TMEM232: variants seen among roughly 807,000 people sequenced by gnomAD.
The protein encoded by TMEM232 is transmembrane protein 232.
A neutral mutation model predicts 78.8 loss-of-function variants in TMEM232; 80 were observed. The observed-to-expected ratio is 1.01, with a 90% CI of 0.85 to 1.22. The LOEUF (loss-of-function observed/expected upper bound fraction) is 1.22, where lower values mean the gene tolerates loss of function less well. Among genes scored for constraint, TMEM232 ranks in the 50% most tolerant of loss-of-function variants. The pLI is 0.00. For synonymous variants in TMEM232, 297 were observed against 254.3 expected, an observed-to-expected ratio of 1.17 and a Z score of -1.60; for missense variants, 881 against 742.2, an observed-to-expected ratio of 1.19 and a Z score of -2.17.
intron 2 of TMEM232, among the ~76,000 whole-genome samples, chr5:110,399,621 C>T (rs1755519877): frequency 6.6e-6 from 1 of 152,036 alleles, no homozygotes; most frequent in African/African-American, 2.4e-5. Flanking sequence ...CACCCCTTAC[C>T]CTTGTCCTGG....
intron 11 of TMEM232, among the ~76,000 whole-genome samples, chr5:110,534,262 C>A (rs1771988383): frequency 6.6e-6 from 1 of 152,196 alleles, no homozygotes; most frequent in African/African-American, 2.4e-5. Flanking sequence ...TTAGTCAAAT[C>A]AGCCAAGCAT....
intron 4 of TMEM232, among the ~76,000 whole-genome samples, chr5:110,389,024 G>A (rs1194048854): frequency 1.3e-5 from 2 of 152,182 alleles, no homozygotes; most frequent in African/African-American, 4.8e-5. Context: ...ACTTTGGGAA[G>A]CCGAGGCAGG....
At chr5:110,662,755 C>T (rs1262510306) in intron 2 of TMEM232, among the ~76,000 whole-genome samples, 1 of 151,848 alleles carries the variant, frequency 6.6e-6, no homozygotes, top group Admixed American at 6.6e-5. Context: ...TTCCATATGT[C>T]GTATTGATGA....
At position 110,439,901 on chromosome 5, in the gene TMEM232, A is replaced by G. The variant is rs60191202; in HGVS notation, c.1704-14985T>C. ...CTGCAGTTTATCTAAAATTCTCTATATTAACCTATAAATTAGGATCAACGT... is the reference window on the plus strand; with the variant it reads ...CTGCAGTTTATCTAAAATTCTCTATGTTAACCTATAAATTAGGATCAACGT... On this transcript the variant is annotated intron_variant, in intron 12 of 13. Coordinates refer to ENST00000455884, the MANE Select transcript of TMEM232 (RefSeq NM_001039763.4). Among the ~76,000 whole-genome samples, 1,122 of 152,234 alleles carry G rather than the reference A, an allele frequency of 7.4e-3. 17 individuals carry two copies. The highest frequency in any genetic ancestry group is 0.025 in the African/African-American group (1,046 of 41,568).
intron 12 of TMEM232, among the ~76,000 whole-genome samples, chr5:110,440,836 T>C (rs921474970): frequency 8.5e-5 from 13 of 152,176 alleles, no homozygotes; most frequent in Non-Finnish European, 1.5e-4. Context: ...CATCCACTTA[T>C]TTATTGCTAA....
intron 1 of TMEM232, among the ~76,000 whole-genome samples, chr5:110,699,187 G>C (rs1243751573): frequency 6.6e-6 from 1 of 152,076 alleles, no homozygotes; most frequent in Non-Finnish European, 1.5e-5. Flanking sequence ...CTCGCATGAA[G>C]GTGAGCTTTC....
At chr5:110,469,109 G>C (rs1762395044) in intron 12 of TMEM232, among the ~76,000 whole-genome samples, 1 of 152,150 alleles carries the variant, frequency 6.6e-6, no homozygotes, top group South Asian at 2.1e-4. Context: ...TCATGAGAAT[G>C]AAGTCCAGCT....
intron 11 of TMEM232, among the ~76,000 whole-genome samples, chr5:110,549,548 G>T (rs1774200326): frequency 7.4e-6 from 1 of 135,994 alleles, no homozygotes; most frequent in Non-Finnish European, 1.5e-5. Context: ...ACAGGGTATA[G>T]TGAGTCATGA....
intron 11 of TMEM232, among the ~76,000 whole-genome samples, chr5:110,532,136 A>G (rs1469079454): frequency 6.6e-6 from 1 of 152,118 alleles, no homozygotes; most frequent in Non-Finnish European, 1.5e-5. Context: ...TCTGGCCACC[A>G]AGCCAAAGAA....
intron 11 of TMEM232, among the ~76,000 whole-genome samples, chr5:110,550,412 G>T (rs1431875210): frequency 1.3e-5 from 2 of 151,930 alleles, no homozygotes; most frequent in Non-Finnish European, 2.9e-5. Context: ...ACTAAAAGTG[G>T]CTAAACAGTA....
chr5:110,533,133 T>C (rs1771798348), intron 11 of TMEM232, among the ~76,000 whole-genome samples: 2 of 152,108 alleles, frequency 1.3e-5, no homozygotes, highest in Non-Finnish European at 2.9e-5. Flanking sequence ...CGTCCCAGCC[T>C]CTCTTTGCTT....
intron 1 of TMEM232, among the ~76,000 whole-genome samples, chr5:110,684,153 C>T (rs556522151): frequency 6.6e-6 from 1 of 151,664 alleles, no homozygotes; most frequent in Non-Finnish European, 1.5e-5. Context: ...AGCCAGAAAC[C>T]ATAAAAGGGT....
At chr5:110,731,359 A>G (rs1798664314), upstream of TMEM232, among the ~76,000 whole-genome samples, 2 of 152,294 alleles carry the variant, frequency 1.3e-5, no homozygotes, top group Admixed American at 1.3e-4. Flanking sequence ...CATAGCTCCA[A>G]TAGTCAGTAC....
intron 2 of TMEM232, among the ~76,000 whole-genome samples, chr5:110,407,422 TAA>T (rs1267801925): frequency 6.6e-6 from 1 of 152,136 alleles, no homozygotes; most frequent in Admixed American, 6.6e-5. Flanking sequence ...TCTATGATTA[TAA>T]AGAGACAAAT....
At chr5:110,703,126 T>C (rs1186021712) in intron 1 of TMEM232, among the ~76,000 whole-genome samples, 1 of 151,848 alleles carries the variant, frequency 6.6e-6, no homozygotes, top group African/African-American at 2.4e-5. Context: ...ATAACACAAA[T>C]AGCAGATGAA....
intron 5 of TMEM232, among the ~76,000 whole-genome samples, chr5:110,633,126 A>G (rs2149980924): frequency 6.6e-6 from 1 of 152,276 alleles, no homozygotes; most frequent in South Asian, 2.1e-4. Flanking sequence ...AAGATACTAT[A>G]TCCAGCAAAA....
chr5:110,596,624 T>A (rs1471638496), intron 10 of TMEM232, among the ~76,000 whole-genome samples: 2 of 152,136 alleles, frequency 1.3e-5, no homozygotes, highest in East Asian at 1.9e-4. Flanking sequence ...AGTAAAATAC[T>A]GGCAAACCGA....
chr5:110,467,918 GGC>G (rs1762257848), intron 12 of TMEM232, among the ~76,000 whole-genome samples: 3 of 143,372 alleles, frequency 2.1e-5, no homozygotes, highest in Admixed American at 6.9e-5. Context: ...TATACTCTTT[GGC>G]TTTGGGTGCA....
intron 12 of TMEM232, chr5:110,430,004 A>G (rs1757649940): frequency 6.6e-6 from 1 of 151,740 alleles, no homozygotes; most frequent in African/African-American, 2.4e-5. Context: ...CATGATATAG[A>G]CACTGTCCAT....
Sources: gnomAD v4.1 joint callset for allele counts (sites outside exome capture counted in the v4.1 genomes callset) on GRCh38, gnomAD v4.1.1 for gene constraint, MANE v1.5 for transcripts, NCBI Gene and HGNC (gene_info 2026-07-23, HGNC 2026-07-21) for gene names.